The following MCTP1 variants were observed in gnomAD, a reference collection of about 807,000 sequenced individuals.
MCTP1 encodes multiple C2 and transmembrane domain-containing protein 1.
MCTP1 carries 69 observed loss-of-function variants against 120.6 expected under a neutral mutation model. The ratio of observed to expected loss-of-function variants is 0.57; its 90% CI spans 0.47 to 0.70. The LOEUF is 0.70. Ranked by LOEUF, MCTP1 falls within the 30% of genes least tolerant of loss-of-function variation. The probability of loss-of-function intolerance (pLI) is 0.00; values close to 1 mark genes in which losing one functional copy is unlikely to be tolerated. For missense variants in MCTP1, 1,203 were observed against 1,248.8 expected, an observed-to-expected ratio of 0.96 and a Z score of 0.55; for synonymous variants, 529 against 493.1, an observed-to-expected ratio of 1.07 and a Z score of -0.96.
chr5:95,262,068 G>T (rs1251540192), intron 1 of MCTP1, among the ~76,000 whole-genome samples: 7 of 152,176 alleles, frequency 4.6e-5, no homozygotes, highest in Admixed American at 2.6e-4. Flanking sequence ...TGCCTAGTAG[G>T]GGCACAGCTG....
intron 1 of MCTP1, among the ~76,000 whole-genome samples, chr5:95,146,022 C>A (rs184700682): frequency 6.6e-6 from 1 of 151,656 alleles, no homozygotes; most frequent in African/African-American, 2.4e-5. Context: ...TGGTCCATGG[C>A]TTTTTTCTTT....
intron 1 of MCTP1, among the ~76,000 whole-genome samples, chr5:95,223,167 T>C (rs1753873236): frequency 6.6e-6 from 1 of 152,094 alleles, no homozygotes; most frequent in African/African-American, 2.4e-5. Context: ...TAAAATTAAT[T>C]ATGGCTGGGT....
At chr5:94,847,517 A>C (rs150032703) in intron 17 of MCTP1, among the ~76,000 whole-genome samples, 27 of 151,838 alleles carry the variant, frequency 1.8e-4, no homozygotes, top group African/African-American at 6.0e-4. Context: ...TGGAAATGGG[A>C]TCTCTGAGGC....
intron 2 of MCTP1, among the ~76,000 whole-genome samples, chr5:95,007,457 C>A (rs2153649707): frequency 6.6e-6 from 1 of 152,250 alleles, no homozygotes; most frequent in East Asian, 1.9e-4. Context: ...AACCATCATA[C>A]CTGATGCATA....
intron 19 of MCTP1, among the ~76,000 whole-genome samples, chr5:94,765,553 T>C (rs1044258664): frequency 3.3e-5 from 5 of 151,740 alleles, no homozygotes; most frequent in Admixed American, 6.6e-5. Context: ...ATACAAAAAT[T>C]AGCCAGGTAT....
At chr5:95,210,939 A>T (rs1443831126) in intron 1 of MCTP1, among the ~76,000 whole-genome samples, 1 of 151,926 alleles carries the variant, frequency 6.6e-6, no homozygotes, top group Non-Finnish European at 1.5e-5. Context: ...TATGAAGCTT[A>T]GTTTGGCTGG....
At chr5:94,936,311 AT>A (rs1474636904) in intron 5 of MCTP1, among the ~76,000 whole-genome samples, 1 of 151,970 alleles carries the variant, frequency 6.6e-6, no homozygotes, top group African/African-American at 2.4e-5. Flanking sequence ...ATATATATAT[AT>A]TTCCCCTTGT....
intron 1 of MCTP1, among the ~76,000 whole-genome samples, chr5:95,077,629 C>T (rs1175288186): frequency 2.0e-5 from 3 of 152,088 alleles, no homozygotes; most frequent in Non-Finnish European, 2.9e-5. Context: ...CTCGCCACCA[C>T]GCCCAGCTAA....
chr5:94,935,875 T>C (rs1816065082), intron 5 of MCTP1, among the ~76,000 whole-genome samples: 1 of 152,084 alleles, frequency 6.6e-6, no homozygotes, highest in Admixed American at 6.6e-5. Context: ...AATTTGTTTC[T>C]GAATAATTTG....
At chr5:94,827,301 C>T (rs1222607399) in intron 17 of MCTP1, among the ~76,000 whole-genome samples, 1 of 152,154 alleles carries the variant, frequency 6.6e-6, no homozygotes, top group Non-Finnish European at 1.5e-5. Context: ...TTGGCCCCCA[C>T]TCTCTTCTGG....
At chr5:95,032,979 C>T (rs1481852075) in intron 1 of MCTP1, among the ~76,000 whole-genome samples, 1 of 151,944 alleles carries the variant, frequency 6.6e-6, no homozygotes, top group Non-Finnish European at 1.5e-5. Context: ...TCTCCATGCA[C>T]ACAAATTAGA....
intron 9 of MCTP1, among the ~76,000 whole-genome samples, chr5:94,912,086 A>T (rs1808766501): frequency 6.6e-6 from 1 of 152,174 alleles, no homozygotes; most frequent in Non-Finnish European, 1.5e-5. Context: ...GATAAAGTGT[A>T]TAAGAGTAAC....
chr5:94,757,420 A>T (rs1770174619), intron 19 of MCTP1, among the ~76,000 whole-genome samples: 1 of 152,262 alleles, frequency 6.6e-6, no homozygotes, highest in Admixed American at 6.5e-5. Context: ...TACAAATTAC[A>T]GACAGAATCA....
chr5:94,837,013 T>G (rs903750430), intron 17 of MCTP1, among the ~76,000 whole-genome samples: 2 of 152,144 alleles, frequency 1.3e-5, no homozygotes, highest in African/African-American at 4.8e-5. Flanking sequence ...TCCAGGAAGA[T>G]TCTATGGGTT....
rs193060500 is a variant in MCTP1, at chr5:94,811,086, C to G, written c.2437-11954G>C. On this transcript the variant is annotated intron_variant, in intron 17 of 22. Transcript: ENST00000515393. ...CCCCAATCCCTCTGTTCTGGAAAAA[C>G]TTCAAGAGTTATGTTTAGCAGCTCT... Among the ~76,000 whole-genome samples, 6 of 152,290 alleles carry G rather than the reference C, an allele frequency of 3.9e-5. No homozygotes were observed. In the East Asian group the frequency reaches 1.2e-3, roughly 29 times the overall value.
chr5:95,142,734 C>T (rs112317913), intron 1 of MCTP1, among the ~76,000 whole-genome samples: 11 of 152,212 alleles, frequency 7.2e-5, no homozygotes, highest in African/African-American at 1.7e-4. Flanking sequence ...AAGAGCTCAC[C>T]GGCCTCTGAC....
chr5:94,707,959 C>G (rs1470580990), intron 22 of MCTP1, among the ~76,000 whole-genome samples: 1 of 150,718 alleles, frequency 6.6e-6, no homozygotes, highest in Non-Finnish European at 1.5e-5. Context: ...TCACTGTAAC[C>G]CAGCTTCAGG....
chr5:95,112,544 T>C (rs745387857), intron 1 of MCTP1, among the ~76,000 whole-genome samples: 3 of 152,210 alleles, frequency 2.0e-5, no homozygotes, highest in Non-Finnish European at 4.4e-5. Flanking sequence ...TTCTTCCTCA[T>C]TTATTTAATT....
At chr5:95,253,329 C>A (rs1030428773) in intron 1 of MCTP1, among the ~76,000 whole-genome samples, 2 of 152,000 alleles carry the variant, frequency 1.3e-5, no homozygotes, top group African/African-American at 4.8e-5. Flanking sequence ...AAGAACACTG[C>A]CAGGGGGTGG....
Sources: gnomAD v4.1 joint callset for allele counts (sites outside exome capture counted in the v4.1 genomes callset) on GRCh38, gnomAD v4.1.1 for gene constraint, MANE v1.5 for transcripts, NCBI Gene and HGNC (gene_info 2026-07-23, HGNC 2026-07-21) for gene names.